Variants in VIPR1 observed in about 807,000 individuals in gnomAD.
VIPR1 encodes vasoactive intestinal peptide receptor 1, also known as vasoactive intestinal polypeptide receptor 1.
VIPR1 carries 59 observed loss-of-function variants against 58.8 expected under a neutral mutation model. The observed-to-expected ratio is 1.00, with a 90% CI of 0.81 to 1.25. The LOEUF (loss-of-function observed/expected upper bound fraction) is 1.25. Among genes scored for constraint, VIPR1 ranks in the 50% most tolerant of loss-of-function variants. The pLI is 0.00. For synonymous variants in VIPR1, 251 were observed against 242.1 expected, an observed-to-expected ratio of 1.04 and a Z score of -0.34; for missense variants, 626 against 602.7, an observed-to-expected ratio of 1.04 and a Z score of -0.40.
At chr3:42,496,212 G>A (rs1220363635) in intron 1 of VIPR1, among the ~76,000 whole-genome samples, 5 of 152,088 alleles carry the variant, frequency 3.3e-5, no homozygotes, top group Admixed American at 1.3e-4. Context: ...ACTCCAGCCT[G>A]GGGCAAGACT....
At chr3:42,523,367 C>T (rs1701057581) in intron 3 of VIPR1, among the ~76,000 whole-genome samples, 1 of 152,172 alleles carries the variant, frequency 6.6e-6, no homozygotes, top group South Asian at 2.1e-4. Context: ...CCTTCACCAT[C>T]TATGGCAGCC....
intron 2 of VIPR1, among the ~76,000 whole-genome samples, chr3:42,514,362 A>C (rs1425680997): frequency 6.6e-6 from 1 of 152,100 alleles, no homozygotes; most frequent in Non-Finnish European, 1.5e-5. Context: ...TGACCCCCAC[A>C]GGGACCACAT....
Position 42,536,447 on chromosome 3 carries a change from C to A in VIPR1, c.*166C>A, listed in dbSNP as rs1701856180. On this transcript the variant is annotated 3_prime_UTR_variant, in exon 13 of 13. Transcript: ENST00000325123. ...GTCCGGACACTCCTAGAGAACGCAGCCCTAGAGCCTGCCTGGAGCGTTTCT... is the reference window on the plus strand; with the variant it reads ...GTCCGGACACTCCTAGAGAACGCAGACCTAGAGCCTGCCTGGAGCGTTTCT... 1.5e-6 allele frequency: 1 copy of A among 650,184 alleles called. No individual in the cohort carries two copies. Among genetic ancestry groups the A allele is most frequent in the Non-Finnish European group, 2.4e-6 (1 of 416,432 alleles). 40.3% of individuals were successfully genotyped at this position (650,184 alleles called of 1,614,324 possible). A position where few individuals can be genotyped will look rare whatever the true frequency, so the allele number is the denominator to read the frequency against.
intron 3 of VIPR1, among the ~76,000 whole-genome samples, chr3:42,525,449 C>T (rs898745096): frequency 1.3e-5 from 2 of 151,592 alleles, no homozygotes; most frequent in African/African-American, 4.9e-5. Context: ...AGAAACCCAG[C>T]CCCACAGGCC....
Position 42,534,969 on chromosome 3 carries a change from C to A in VIPR1, c.1011-6C>A, listed in dbSNP as rs780825621. On this transcript the variant is annotated splice_region_variant and splice_polypyrimidine_tract_variant and intron_variant, in intron 10 of 12. Transcript: ENST00000325123. ...TACCCATGGCCTGTCCCTCCCCTGT[C>A]TCCAGAAGGCTAGCCAGGTCCACAC... 1.2e-6 allele frequency: 2 copies of A among 1,614,168 alleles called. No individual in the cohort carries two copies. The highest frequency in any genetic ancestry group is 3.3e-5 in the Admixed American group (2 of 60,026).
intron 3 of VIPR1, 60 bp downstream of exon 3, chr3:42,519,390 T>A (rs28684623): frequency 0.14 from 203,603 of 1,445,326 alleles, 18,591 homozygotes; most frequent in African/African-American, 0.39. Context: ...GGGACTCACC[T>A]CTCAAGGAAG....
chr3:42,495,066 C>A (rs766869605), intron 1 of VIPR1, among the ~76,000 whole-genome samples: 1 of 151,532 alleles, frequency 6.6e-6, no homozygotes, highest in Non-Finnish European at 1.5e-5. Flanking sequence ...CCCAAATATC[C>A]GTCACCCAGT....
At chr3:42,522,222 C>A (rs1372109979) in intron 3 of VIPR1, among the ~76,000 whole-genome samples, 1 of 149,686 alleles carries the variant, frequency 6.7e-6, no homozygotes, top group African/African-American at 2.5e-5. Context: ...CACCATTCTC[C>A]TGCCTCAGCC....
chr3:42,494,675 A>G (rs902450813), intron 1 of VIPR1, among the ~76,000 whole-genome samples: 2 of 152,200 alleles, frequency 1.3e-5, no homozygotes, highest in African/African-American at 4.8e-5. Flanking sequence ...TCAAGAGGAA[A>G]GTTTACTTTA....
chr3:42,526,713 C>T (rs193052874), intron 4 of VIPR1, among the ~76,000 whole-genome samples: 1 of 152,290 alleles, frequency 6.6e-6, no homozygotes, highest in East Asian at 1.9e-4. Flanking sequence ...CCACTTGCCT[C>T]TCCTCAGGCA....
chr3:42,498,564 C>T (rs1037670053), upstream of VIPR1, among the ~76,000 whole-genome samples: 5 of 152,182 alleles, frequency 3.3e-5, no homozygotes, highest in Non-Finnish European at 7.3e-5. Flanking sequence ...GAGCTCTAAG[C>T]CCCAGCCTCC....
At position 42,536,395 on chromosome 3, in the gene VIPR1, A is replaced by G; in HGVS notation, c.*114A>G. 8.4e-7 allele frequency: 1 copy of G among 1,190,464 alleles called. No individual in the cohort carries two copies. Among genetic ancestry groups the G allele is most frequent in the Non-Finnish European group, 1.1e-6 (1 of 887,380 alleles). The allele number at this position is 1,190,464 out of a possible 1,614,324, so 73.7% of individuals were successfully genotyped here. On this transcript the variant is annotated 3_prime_UTR_variant, in exon 13 of 13. Coordinates refer to ENST00000325123, the MANE Select transcript of VIPR1 (RefSeq NM_004624.4). Reference sequence around the variant, plus strand: ...CGGCCAGCCCCGGCCCTGGGCTCGGAGGCTGCCCCCGGCCCCCTGGTCTCT... The same window carrying G: ...CGGCCAGCCCCGGCCCTGGGCTCGGGGGCTGCCCCCGGCCCCCTGGTCTCT...
At position 42,536,412 on chromosome 3, in the gene VIPR1, C is replaced by G; in HGVS notation, c.*131C>G. The G allele has an allele frequency of 1.0e-6, 1 of 989,564 alleles. No homozygotes were observed. Among genetic ancestry groups the G allele is most frequent in the East Asian group, 2.8e-5 (1 of 35,586 alleles). 61.3% of individuals were successfully genotyped at this position (989,564 alleles called of 1,614,324 possible). A position where few individuals can be genotyped will look rare whatever the true frequency, so the allele number is the denominator to read the frequency against. On this transcript the variant is annotated 3_prime_UTR_variant, in exon 13 of 13. Transcript: ENST00000325123. ...GGGCTCGGAGGCTGCCCCCGGCCCCCTGGTCTCTGGTCCGGACACTCCTAG... is the reference window on the plus strand; with the variant it reads ...GGGCTCGGAGGCTGCCCCCGGCCCCGTGGTCTCTGGTCCGGACACTCCTAG...
intron 2 of VIPR1, 110 bp downstream of exon 2, chr3:42,513,964 G>A (rs1700491518): frequency 2.4e-6 from 3 of 1,243,536 alleles, no homozygotes; most frequent in Non-Finnish European, 3.4e-6. Context: ...TTGGATGATG[G>A]TGAGGAGCGG....
intron 1 of VIPR1, among the ~76,000 whole-genome samples, chr3:42,489,883 T>C (rs910422681): frequency 3.9e-5 from 6 of 152,118 alleles, no homozygotes; most frequent in Non-Finnish European, 2.9e-5. Flanking sequence ...CCTTCTGCTT[T>C]CTACCTTCTC....
chr3:42,519,136 A>C, intron 2 of VIPR1, 87 bp from the exon 3 acceptor site: 6 of 1,075,210 alleles, frequency 5.6e-6, no homozygotes, highest in Non-Finnish European at 7.7e-6. Flanking sequence ...AGAGGGAGGA[A>C]GAGAGTGGGT....
chr3:42,514,536 T>G (rs1182516227), intron 2 of VIPR1, among the ~76,000 whole-genome samples: 1 of 125,776 alleles, frequency 8.0e-6, no homozygotes, highest in Non-Finnish European at 1.6e-5. Context: ...GGACCGATAG[T>G]GACACCACAC....
chr3:42,530,962 G>A (rs776177131), intron 7 of VIPR1, 30 bp downstream of exon 7: 6 of 1,611,532 alleles, frequency 3.7e-6, no homozygotes, highest in Non-Finnish European at 4.2e-6. Flanking sequence ...TTCCAGGCTG[G>A]GGACAGAGGG....
intron 1 of VIPR1, chr3:42,492,499 G>C (rs1311440882): frequency 1.3e-5 from 2 of 152,554 alleles, no homozygotes; most frequent in African/African-American, 4.8e-5. Flanking sequence ...ACAGCCTGAG[G>C]TTGTCCTGGC....
Sources: gnomAD v4.1 joint callset for allele counts (sites outside exome capture counted in the v4.1 genomes callset) on GRCh38, gnomAD v4.1.1 for gene constraint, MANE v1.5 for transcripts, NCBI Gene and HGNC (gene_info 2026-07-23, HGNC 2026-07-21) for gene names.